Variants in SRP72 observed in about 807,000 individuals in gnomAD.
SRP72 encodes the protein signal recognition particle 72.
Under a neutral mutation model 96.3 loss-of-function variants are expected in SRP72, and 49 were observed. The observed-to-expected ratio is 0.51, with a 90% CI of 0.40 to 0.65. SRP72 has a LOEUF of 0.65. Among genes scored for constraint, SRP72 ranks in the 30% least tolerant of loss-of-function variants. The pLI is 0.00. For synonymous variants in SRP72, 267 were observed against 275.2 expected (o/e 0.97, Z 0.30); for missense variants, 736 against 793.3 (o/e 0.93, Z 0.87).
chr4:56,494,407 C>CT (rs56291298), intron 16 of SRP72, among the ~76,000 whole-genome samples: 17,856 of 138,110 alleles, frequency 0.13, 1,487 homozygotes, highest in East Asian at 0.27. Context: ...TTTCAGAATG[C>CT]TTTTTTTTTT....
chr4:56,486,141 A>G lies in SRP72; in HGVS notation c.1087-184A>G, dbSNP rs1720701924. On this transcript the variant is annotated intron_variant, in intron 10 of 18. Coordinates refer to ENST00000642900, the MANE Select transcript of SRP72 (RefSeq NM_006947.4). ...ACTTCATTGCACTTACTTTTAGAGC[A>G]TACCTTTAAGAAAAAAAGTGAGTGT... 5 of 501,052 alleles carry G rather than the reference A, an allele frequency of 1.0e-5. 1 individual carries two copies. The highest frequency in any genetic ancestry group is 1.8e-5 in the Non-Finnish European group (5 of 274,612). The allele number at this position is 501,052 out of a possible 1,614,324, so 31.0% of individuals were successfully genotyped here. A position where few individuals can be genotyped will look rare whatever the true frequency, so the allele number is the denominator to read the frequency against.
intron 12 of SRP72, 126 bp from the exon 13 acceptor site, chr4:56,489,262 C>T: frequency 2.2e-6 from 1 of 456,210 alleles, no homozygotes; most frequent in Non-Finnish European, 3.9e-6. Context: ...AAGGGAGTAG[C>T]TTTTATGATA....
At chr4:56,486,296 T>G (rs778744887) in intron 10 of SRP72, 29 bp from the exon 11 acceptor site, 1 of 1,541,332 alleles carries the variant, frequency 6.5e-7, no homozygotes, top group Non-Finnish European at 8.9e-7. Context: ...TTAAATGTGA[T>G]TTTTTTCCCC....
rs59110249 is a variant in SRP72 at position 56,500,400 on chromosome 4, T to G, written c.1679-136T>G. The G allele has an allele frequency of 4.8e-3, 4,653 of 962,840 alleles. 145 individuals are homozygous for G. In the African/African-American group the frequency reaches 0.07, roughly 14 times the overall value. 59.6% of individuals were successfully genotyped at this position (962,840 alleles called of 1,614,324 possible). ...AAAAAGACCATTTCGCCTGCTAGAT[T>G]ATACAAACTAAACTTTCTCAAATAA... is the stretch of plus-strand genomic sequence containing the variant. On this transcript the variant is annotated intron_variant, in intron 17 of 18. Coordinates refer to ENST00000642900, the MANE Select transcript of SRP72 (RefSeq NM_006947.4).
chr4:56,500,732 A>G, intron 18 of SRP72, 37 bp downstream of exon 18: 1 of 1,573,794 alleles, frequency 6.4e-7, no homozygotes, highest in Non-Finnish European at 8.6e-7. Context: ...CACTTAGAAC[A>G]TACGTTGTTT....
chr4:56,490,271 A>G, intron 13 of SRP72, 62 bp from the exon 14 acceptor site: 1 of 1,309,950 alleles, frequency 7.6e-7, no homozygotes, highest in Non-Finnish European at 1.1e-6. Flanking sequence ...AATGAATATA[A>G]CTGCATGCAC....
chr4:56,500,026 T>G (rs1039096430), intron 17 of SRP72, among the ~76,000 whole-genome samples: 1 of 151,818 alleles, frequency 6.6e-6, no homozygotes, highest in Non-Finnish European at 1.5e-5. Flanking sequence ...ATCAATACTA[T>G]GCAGCCATAA....
intron 3 of SRP72, among the ~76,000 whole-genome samples, chr4:56,472,980 T>G (rs1204951286): frequency 6.6e-6 from 1 of 152,186 alleles, no homozygotes; most frequent in East Asian, 1.9e-4. Flanking sequence ...AGCTGGTTTC[T>G]GAGAAAGATA....
chr4:56,486,999 A>G (rs1337220142), intron 11 of SRP72, among the ~76,000 whole-genome samples: 1 of 152,214 alleles, frequency 6.6e-6, no homozygotes, highest in Admixed American at 6.5e-5. Context: ...GTTAAATGAA[A>G]TTTTAAATTC....
chr4:56,492,499 C>A (rs935554268), intron 16 of SRP72, among the ~76,000 whole-genome samples: 2 of 152,120 alleles, frequency 1.3e-5, no homozygotes, highest in Admixed American at 6.5e-5. Context: ...TAAAACATTT[C>A]CTTAGCTTTG....
chr4:56,477,301 C>CTTTTTT (rs1229809474), intron 6 of SRP72: 2 of 66,008 alleles, frequency 3.0e-5, no homozygotes, highest in Non-Finnish European at 5.3e-5. Context: ...CTCTCTCTCT[C>CTTTTTT]TTTTTTTTTT....
chr4:56,476,464 G>A (rs1720227117), intron 5 of SRP72: 2 of 557,154 alleles, frequency 3.6e-6, no homozygotes, highest in Non-Finnish European at 6.2e-6. Flanking sequence ...CACAACAAAT[G>A]AAAGCAAAGT....
chr4:56,478,400 C>G lies in SRP72; in HGVS notation c.664C>G (p.Gln222Glu). The change falls in exon 7 of 19, where the codon CAG (glutamine) becomes GAG (glutamate). Residue 222 changes from glutamine to glutamate, a missense_variant. By Grantham distance (29) the Gln-to-Glu change is conservative. This residue lies in a region of SRP72 where 329 missense variants were observed against 319.0 expected (regional missense o/e 1.03). Coordinates refer to ENST00000642900, the MANE Select transcript of SRP72 (RefSeq NM_006947.4). ...TTAGGATGGGACTGAGGAAGACCCA[C>G]AGGCAGAACTGGCCATCATTCATGG... ...EDTDGTEEDP[Q>E]AELAIIHGQM... 1 of 1,609,714 alleles carries G rather than the reference C, an allele frequency of 6.2e-7. No individual in the cohort carries two copies.
chr4:56,472,220 C>A (rs1444041171), intron 3 of SRP72, among the ~76,000 whole-genome samples: 2 of 151,928 alleles, frequency 1.3e-5, no homozygotes, highest in African/African-American at 4.8e-5. Flanking sequence ...GATTCTAGCC[C>A]ATGAAATTGT....
chr4:56,488,034 A>G (rs1720780654), intron 12 of SRP72, 21 bp downstream of exon 12: 1 of 1,555,926 alleles, frequency 6.4e-7, no homozygotes, highest in Admixed American at 2.0e-5. Context: ...AAAATTACAA[A>G]ATTGAAAAGT....
chr4:56,471,467 G>T (rs1296023769), intron 2 of SRP72, among the ~76,000 whole-genome samples: 1 of 152,170 alleles, frequency 6.6e-6, no homozygotes, highest in Non-Finnish European at 1.5e-5. Flanking sequence ...CTTCTTAAAT[G>T]TTTATTTCAA....
intron 18 of SRP72, among the ~76,000 whole-genome samples, chr4:56,501,477 G>A (rs2110134799): frequency 6.6e-6 from 1 of 152,204 alleles, no homozygotes; most frequent in East Asian, 1.9e-4. Context: ...AACTTGGCAT[G>A]TGTACCATGT....
rs1405583789 is a variant in SRP72, at chr4:56,503,339, C to A, written c.*1478C>A. 2.6e-5 allele frequency: 4 copies of A among 152,082 alleles called. No individual in the cohort carries two copies. Among genetic ancestry groups the A allele is most frequent in the Admixed American group, 1.3e-4 (2 of 15,258 alleles). 9.4% of individuals were successfully genotyped at this position (152,082 alleles called of 1,614,324 possible). On this transcript the variant is annotated 3_prime_UTR_variant, in exon 19 of 19. Coordinates refer to ENST00000642900, the MANE Select transcript of SRP72 (RefSeq NM_006947.4). ...AATATATACCCCATTATAGGAATAACTGTTACTTATTTAGGATTCCATCAT... is the reference window on the plus strand; with the variant it reads ...AATATATACCCCATTATAGGAATAAATGTTACTTATTTAGGATTCCATCAT...
intron 10 of SRP72, among the ~76,000 whole-genome samples, chr4:56,485,092 G>T (rs1720653908): frequency 1.3e-5 from 2 of 152,090 alleles, no homozygotes; most frequent in South Asian, 4.1e-4. Flanking sequence ...AAATGCTGAA[G>T]AATGCTGTTT....
Sources: gnomAD v4.1 joint callset for allele counts (sites outside exome capture counted in the v4.1 genomes callset) on GRCh38, gnomAD v4.1.1 for gene constraint, gnomAD v4.1.1 regional missense constraint, MANE v1.5 for transcripts, NCBI Gene and HGNC (gene_info 2026-07-23, HGNC 2026-07-21) for gene names.